ATF7IP2: variants seen among roughly 807,000 people sequenced by gnomAD.
The protein encoded by ATF7IP2 is activating transcription factor 7-interacting protein 2.
A neutral mutation model predicts 64.2 loss-of-function variants in ATF7IP2; 42 were observed. The ratio of observed to expected loss-of-function variants is 0.65; its 90% CI spans 0.51 to 0.85. ATF7IP2 has a LOEUF of 0.85. ATF7IP2 is among the 40% of genes least tolerant of loss of function. ATF7IP2 has a pLI of 0.00. For missense variants in ATF7IP2, 933 were observed against 784.2 expected (o/e 1.19, Z -2.27); for synonymous variants, 308 against 272.8 (o/e 1.13, Z -1.27).
intron 9 of ATF7IP2, among the ~76,000 whole-genome samples, chr16:10,457,789 C>G (rs1027656986): frequency 1.3e-5 from 2 of 152,144 alleles, no homozygotes; most frequent in Non-Finnish European, 2.9e-5. Context: ...TCACTGCAGC[C>G]TCGACCTCCT....
chr16:10,438,698 T>C (rs1010816228), intron 7 of ATF7IP2, among the ~76,000 whole-genome samples: 10 of 152,176 alleles, frequency 6.6e-5, no homozygotes, highest in African/African-American at 2.2e-4. Flanking sequence ...AGCTTAGCAA[T>C]ATCGGCTTTT....
intron 1 of ATF7IP2, among the ~76,000 whole-genome samples, chr16:10,393,784 A>G (rs1375513846): frequency 6.6e-6 from 1 of 152,180 alleles, no homozygotes; most frequent in Non-Finnish European, 1.5e-5. Context: ...ACAGTGGCTC[A>G]TGTCTGGAAT....
At chr16:10,459,868 C>T (rs1397658574) in intron 9 of ATF7IP2, among the ~76,000 whole-genome samples, 1 of 151,998 alleles carries the variant, frequency 6.6e-6, no homozygotes, top group Non-Finnish European at 1.5e-5. Flanking sequence ...CTTGGAGATA[C>T]AAAAGAAAGA....
At chr16:10,392,362 A>C (rs1375844303) in intron 1 of ATF7IP2, among the ~76,000 whole-genome samples, 1 of 144,220 alleles carries the variant, frequency 6.9e-6, no homozygotes, top group Non-Finnish European at 1.5e-5. Context: ...TTTAAACTGG[A>C]GATGACATCT....
intron 6 of ATF7IP2, among the ~76,000 whole-genome samples, chr16:10,437,069 T>C (rs933382571): frequency 6.6e-6 from 1 of 151,146 alleles, no homozygotes; most frequent in African/African-American, 2.4e-5. Context: ...CACCCAGGCC[T>C]GGAGTACAGT....
Position 10,418,281 on chromosome 16 carries a change from G to C in ATF7IP2, c.-202-1300G>C, listed in dbSNP as rs56101957. ...ACCCCAGGTGGGCCAGGTGTTCCTT[G>C]CCCTCATTCTGGTAAACCAACAACC... On this transcript the variant is annotated intron_variant, in intron 2 of 13. Coordinates refer to ENST00000562102, the MANE Select transcript of ATF7IP2 (RefSeq NM_001393719.1). 3.5e-3 allele frequency among the ~76,000 whole-genome samples: 537 copies of C among 152,310 alleles called. 3 individuals carry two copies. Among genetic ancestry groups the C allele is most frequent in the African/African-American group, 0.012 (507 of 41,568 alleles).
chr16:10,456,360 C>T (rs1002764434), intron 8 of ATF7IP2, among the ~76,000 whole-genome samples: 2 of 152,142 alleles, frequency 1.3e-5, no homozygotes, highest in African/African-American at 4.8e-5. Context: ...TGGCTGGACA[C>T]CCTTTTGCTA....
At chr16:10,422,159 C>G (rs997311185) in intron 3 of ATF7IP2, among the ~76,000 whole-genome samples, 1 of 152,174 alleles carries the variant, frequency 6.6e-6, no homozygotes, top group Non-Finnish European at 1.5e-5. Context: ...GTAACTAAGT[C>G]CTCTAAAGCC....
chr16:10,440,325 C>A lies in ATF7IP2; in HGVS notation c.1096-39C>A, dbSNP rs765216959. ...CTCTATCTCTATGTGATATATAGTA[C>A]TCTGGCTTAGTATTTATTTTTTTCT... On this transcript the variant is annotated intron_variant, in intron 7 of 13. Coordinates refer to ENST00000562102, the MANE Select transcript of ATF7IP2 (RefSeq NM_001393719.1). The A allele has an allele frequency of 9.2e-6, 10 of 1,082,066 alleles. No homozygotes were observed. The East Asian group carries it at 2.0e-4, about 21-fold the overall frequency. 67.0% of individuals were successfully genotyped at this position (1,082,066 alleles called of 1,614,324 possible).
At chr16:10,468,071 G>A (rs9929739) in intron 9 of ATF7IP2, among the ~76,000 whole-genome samples, 12,724 of 150,976 alleles carry the variant, frequency 0.084, 1,119 homozygotes, top group African/African-American at 0.22. Flanking sequence ...GTAGAGACGG[G>A]GTTTCTCCAT....
rs10221 is a variant in ATF7IP2 at position 10,483,438 on chromosome 16, G to A, written c.*1189G>A. On this transcript the variant is annotated 3_prime_UTR_variant, in exon 14 of 14. Transcript: ENST00000562102. The stretch of plus-strand genomic sequence containing the variant: ...AGCAGCCCAAGAAACTCTGAACGGG[G>A]CCCAATGGAGGCAAACTTGAGCAAA... 69,711 of 151,860 alleles carry A rather than the reference G, an allele frequency of 0.46. 16,711 individuals carry two copies. Among genetic ancestry groups the A allele is most frequent in the Non-Finnish European group, 0.53 (35,955 of 67,952 alleles). The allele number at this position is 151,860 out of a possible 1,614,324, so 9.4% of individuals were successfully genotyped here.
At position 10,482,640 on chromosome 16, in the gene ATF7IP2, A is replaced by G; in HGVS notation, c.*391A>G. 1 of 158,570 alleles carries G rather than the reference A, an allele frequency of 6.3e-6. No individual in the cohort carries two copies. Among genetic ancestry groups the G allele is most frequent in the South Asian group, 2.0e-4 (1 of 5,070 alleles). 9.8% of individuals were successfully genotyped at this position (158,570 alleles called of 1,614,324 possible). On this transcript the variant is annotated 3_prime_UTR_variant, in exon 14 of 14. Coordinates refer to ENST00000562102, the MANE Select transcript of ATF7IP2 (RefSeq NM_001393719.1). ...TACAGGAAAAGTCAGCCCTTGACTGAGGGCCAGATCATCCCTGGAGTGCAC... is the reference window on the plus strand; with the variant it reads ...TACAGGAAAAGTCAGCCCTTGACTGGGGGCCAGATCATCCCTGGAGTGCAC...
chr16:10,477,124 C>T (rs1331462994), intron 12 of ATF7IP2, among the ~76,000 whole-genome samples: 1 of 152,162 alleles, frequency 6.6e-6, no homozygotes, highest in Non-Finnish European at 1.5e-5. Context: ...AGCCTGTATA[C>T]AGCAGAAGAA....
At chr16:10,478,508 A>G (rs1221384363) in intron 12 of ATF7IP2, among the ~76,000 whole-genome samples, 2 of 152,204 alleles carry the variant, frequency 1.3e-5, no homozygotes. Flanking sequence ...TTTATTCAAG[A>G]TGGATTAAAG....
intron 12 of ATF7IP2, among the ~76,000 whole-genome samples, chr16:10,478,663 TTAAAC>T (rs1192764336): frequency 1.3e-5 from 2 of 152,130 alleles, no homozygotes; most frequent in African/African-American, 4.8e-5. Context: ...TGGGATCTAC[TTAAAC>T]TAAAGAGCTC....
At chr16:10,425,643 C>A (rs1028860256) in intron 3 of ATF7IP2, among the ~76,000 whole-genome samples, 7 of 152,020 alleles carry the variant, frequency 4.6e-5, no homozygotes, top group Non-Finnish European at 7.4e-5. Flanking sequence ...TCTGTAATCC[C>A]AGCACTTTGG....
intron 12 of ATF7IP2, among the ~76,000 whole-genome samples, chr16:10,475,059 TCAA>T (rs2049952264): frequency 6.6e-6 from 1 of 152,222 alleles, no homozygotes; most frequent in South Asian, 2.1e-4. Flanking sequence ...ATTTTTCAGA[TCAA>T]CAAAATTTGT....
intron 5 of ATF7IP2, among the ~76,000 whole-genome samples, chr16:10,433,064 G>C (rs1242368337): frequency 6.6e-6 from 1 of 151,980 alleles, no homozygotes; most frequent in Non-Finnish European, 1.5e-5. Flanking sequence ...TTTTTTTCAA[G>C]GTTAGTTTGT....
chr16:10,429,794 TTTTA>T (rs998845550), intron 4 of ATF7IP2, among the ~76,000 whole-genome samples: 8 of 147,510 alleles, frequency 5.4e-5, no homozygotes, highest in African/African-American at 9.8e-5. Flanking sequence ...TTAATTTTTA[TTTTA>T]TTTATTTTAC....
Sources: gnomAD v4.1 joint callset for allele counts (sites outside exome capture counted in the v4.1 genomes callset) on GRCh38, gnomAD v4.1.1 for gene constraint, MANE v1.5 for transcripts, NCBI Gene and HGNC (gene_info 2026-07-23, HGNC 2026-07-21) for gene names.